Variants in ASXL2 observed in about 807,000 individuals in gnomAD.
ASXL2 encodes the protein ASXL transcriptional regulator 2.
In ASXL2, 23 loss-of-function variants were observed where a neutral mutation model predicts 122.0. The ratio of observed to expected loss-of-function variants is 0.19; its 90% CI spans 0.14 to 0.27. ASXL2 has a LOEUF of 0.27. Ranked by LOEUF, ASXL2 falls within the 10% of genes least tolerant of loss-of-function variation. ASXL2 has a pLI of 1.00. For missense variants in ASXL2, 1,518 were observed against 1,713.8 expected, an observed-to-expected ratio of 0.89 and a Z score of 2.02; for synonymous variants, 650 against 637.0, an observed-to-expected ratio of 1.02 and a Z score of -0.31.
intron 12 of ASXL2, among the ~76,000 whole-genome samples, chr2:25,746,400 A>C (rs951716069): frequency 6.6e-6 from 1 of 152,078 alleles, no homozygotes; most frequent in Admixed American, 6.5e-5. Flanking sequence ...AAGCCTAGAT[A>C]GTATATTTAC....
chr2:25,752,406 T>G (rs1033913416), intron 11 of ASXL2, among the ~76,000 whole-genome samples: 47 of 152,234 alleles, frequency 3.1e-4, no homozygotes, highest in African/African-American at 9.6e-4. Context: ...TTCAGCTATG[T>G]ACATCTCCCA....
intron 5 of ASXL2, among the ~76,000 whole-genome samples, chr2:25,780,679 G>T (rs1200643604): frequency 6.6e-6 from 1 of 152,168 alleles, no homozygotes; most frequent in Non-Finnish European, 1.5e-5. Context: ...ATTTTTGACA[G>T]CTTATCTCTG....
At chr2:25,796,794 T>C (rs2088917076) in intron 5 of ASXL2, among the ~76,000 whole-genome samples, 1 of 152,230 alleles carries the variant, frequency 6.6e-6, no homozygotes, top group Non-Finnish European at 1.5e-5. Flanking sequence ...AGGTAAAACC[T>C]AGAATGTTGT....
chr2:25,877,703 G>T (rs1010722175), intron 1 of ASXL2, among the ~76,000 whole-genome samples: 4 of 152,174 alleles, frequency 2.6e-5, no homozygotes, highest in Admixed American at 6.5e-5. Flanking sequence ...TCACAGGCAC[G>T]TCCGCTGTAA....
At chr2:25,810,941 A>T (rs1259692245) in intron 3 of ASXL2, among the ~76,000 whole-genome samples, 2 of 152,122 alleles carry the variant, frequency 1.3e-5, no homozygotes, top group Non-Finnish European at 2.9e-5. Flanking sequence ...AAAACAGTAT[A>T]ATCTTCTGGG....
intron 12 of ASXL2, among the ~76,000 whole-genome samples, chr2:25,749,343 C>A (rs2087998938): frequency 6.6e-6 from 1 of 152,176 alleles, no homozygotes; most frequent in Non-Finnish European, 1.5e-5. Context: ...TGTCAATGTT[C>A]TACAGAGGCT....
At chr2:25,804,777 C>T (rs1460387247) in intron 4 of ASXL2, among the ~76,000 whole-genome samples, 3 of 152,116 alleles carry the variant, frequency 2.0e-5, no homozygotes, top group Admixed American at 6.6e-5. Context: ...AGGCCGGGCA[C>T]GGTGGCTCAC....
intron 4 of ASXL2, among the ~76,000 whole-genome samples, chr2:25,801,740 T>C (rs2089001615): frequency 6.6e-6 from 1 of 152,218 alleles, no homozygotes; most frequent in African/African-American, 2.4e-5. Context: ...ATTCCTCTAA[T>C]GTCCTTTGTC....
At chr2:25,808,021 A>ACACACACACACACACT (rs766637532) in intron 3 of ASXL2, among the ~76,000 whole-genome samples, 1 of 148,632 alleles carries the variant, frequency 6.7e-6, no homozygotes, top group African/African-American at 2.5e-5. Flanking sequence ...ACACACACAC[A>ACACACACACACACACT]CTCTCCACCC....
intron 1 of ASXL2, among the ~76,000 whole-genome samples, chr2:25,872,143 C>A (rs1242830579): frequency 1.3e-5 from 2 of 152,064 alleles, no homozygotes; most frequent in Admixed American, 1.3e-4. Context: ...GCCTGTAATC[C>A]CAACACTTTG....
rs1169112193 is a variant in ASXL2, at chr2:25,750,245, T to C, written c.1311A>G (p.Gln437=). The change falls in exon 12 of 13, where the codon CAA becomes CAG. Residue 437 remains glutamine, a synonymous_variant. Transcript: ENST00000435504. The stretch of plus-strand genomic sequence containing the variant: ...CTTCTTTTCTGCCTGGTGATGACAT[T>C]TGCAATGCTTCTTCTTTACACTCTG... ...SQSECKEEAL[Q]MSSPGRKEEC... The C allele has an allele frequency of 6.2e-7, 1 of 1,613,984 alleles. No individual in the cohort carries two copies. The highest frequency in any genetic ancestry group is 2.2e-5 in the East Asian group (1 of 44,880).
At chr2:25,863,329 C>CA (rs113911503) in intron 1 of ASXL2, among the ~76,000 whole-genome samples, 175 of 124,090 alleles carry the variant, frequency 1.4e-3, no homozygotes, top group Admixed American at 1.6e-3. Context: ...ACTCCATCTC[C>CA]AAAAAAAAAA....
At chr2:25,794,510 G>C (rs752149364) in intron 5 of ASXL2, among the ~76,000 whole-genome samples, 3 of 152,016 alleles carry the variant, frequency 2.0e-5, no homozygotes, top group Non-Finnish European at 4.4e-5. Context: ...TCTGAACATT[G>C]TGTATCCTGT....
At chr2:25,858,183 AC>A (rs1187249419) in intron 1 of ASXL2, among the ~76,000 whole-genome samples, 1 of 152,170 alleles carries the variant, frequency 6.6e-6, no homozygotes, top group Non-Finnish European at 1.5e-5. Context: ...TTACCAAAGA[AC>A]TGCTCCCTCC....
intron 4 of ASXL2, among the ~76,000 whole-genome samples, chr2:25,799,906 T>G (rs1227890689): frequency 1.3e-5 from 2 of 148,316 alleles, no homozygotes; most frequent in Non-Finnish European, 3.0e-5. Context: ...ACACTTTGGG[T>G]GGCTAAGGCA....
intron 6 of ASXL2, 53 bp from the exon 7 acceptor site, chr2:25,768,921 T>C: frequency 6.4e-7 from 1 of 1,557,764 alleles, no homozygotes; most frequent in Non-Finnish European, 8.7e-7. Context: ...TTTTTAGTAA[T>C]AATATAAATT....
chr2:25,810,443 T>C, intron 3 of ASXL2: 1 of 705,266 alleles, frequency 1.4e-6, no homozygotes, highest in Non-Finnish European at 2.6e-6. Context: ...TGCAGGGCAG[T>C]GGCCACGTGC....
chr2:25,776,418 T>A (rs1473455725), intron 5 of ASXL2, among the ~76,000 whole-genome samples: 1 of 152,222 alleles, frequency 6.6e-6, no homozygotes, highest in Non-Finnish European at 1.5e-5. Flanking sequence ...TGATGAACAT[T>A]TGGATTGTTT....
At chr2:25,781,556 C>CTT (rs75386706) in intron 5 of ASXL2, among the ~76,000 whole-genome samples, 4,285 of 128,694 alleles carry the variant, frequency 0.033, 218 homozygotes, top group African/African-American at 0.11. Flanking sequence ...ATCTCAAATT[C>CTT]TTTTTTTTTT....
Sources: gnomAD v4.1 joint callset for allele counts (sites outside exome capture counted in the v4.1 genomes callset) on GRCh38, gnomAD v4.1.1 for gene constraint, MANE v1.5 for transcripts, NCBI Gene and HGNC (gene_info 2026-07-23, HGNC 2026-07-21) for gene names.